ZRANB3: variants seen among roughly 807,000 people sequenced by gnomAD.
ZRANB3 encodes zinc finger RANBP2-type containing 3.
In ZRANB3, 125 loss-of-function variants were observed where a neutral mutation model predicts 133.8. That is an observed-to-expected ratio of 0.93 (90% confidence interval 0.81 to 1.08). The LOEUF is 1.08. Ranked by LOEUF, ZRANB3 falls within the 50% of genes least tolerant of loss-of-function variation. The pLI is 0.00. For missense variants in ZRANB3, 1,229 were observed against 1,275.5 expected (o/e 0.96, Z 0.56); for synonymous variants, 387 against 432.7 (o/e 0.89, Z 1.31).
At chr2:135,298,702 A>G (rs1682283021) in intron 8 of ZRANB3, among the ~76,000 whole-genome samples, 1 of 152,160 alleles carries the variant, frequency 6.6e-6, no homozygotes, top group African/African-American at 2.4e-5. Context: ...TGTGCATACT[A>G]TCACCAGCTC....
At chr2:135,214,626 T>G (rs543496839) in intron 17 of ZRANB3, among the ~76,000 whole-genome samples, 2 of 152,238 alleles carry the variant, frequency 1.3e-5, no homozygotes, top group Admixed American at 1.3e-4. Context: ...TGAGAAAGAT[T>G]GAGAGGACTG....
chr2:135,521,957 C>T (rs569631919), intron 1 of ZRANB3, among the ~76,000 whole-genome samples: 1 of 152,204 alleles, frequency 6.6e-6, no homozygotes, highest in Non-Finnish European at 1.5e-5. Flanking sequence ...GAGCCATGGG[C>T]GGCCTCTGAG....
intron 2 of ZRANB3, among the ~76,000 whole-genome samples, chr2:135,443,401 G>T (rs1689876752): frequency 6.8e-6 from 1 of 146,004 alleles, no homozygotes; most frequent in African/African-American, 2.5e-5. Context: ...GGGGCTGGGG[G>T]AGGGATAGCA....
intron 3 of ZRANB3, among the ~76,000 whole-genome samples, chr2:135,382,111 G>T (rs191518535): frequency 2.0e-5 from 3 of 152,132 alleles, no homozygotes; most frequent in Admixed American, 1.3e-4. Flanking sequence ...ATTAGACGAA[G>T]GGCTAACTAG....
At chr2:135,274,768 T>C (rs1680702511) in intron 9 of ZRANB3, among the ~76,000 whole-genome samples, 1 of 152,096 alleles carries the variant, frequency 6.6e-6, no homozygotes, top group Admixed American at 6.5e-5. Context: ...CAGAGGACCC[T>C]GCGGCCTTCC....
At chr2:135,368,014 C>T (rs1686012308) in intron 3 of ZRANB3, among the ~76,000 whole-genome samples, 1 of 152,014 alleles carries the variant, frequency 6.6e-6, no homozygotes, top group South Asian at 2.1e-4. Flanking sequence ...TGAATCTATA[C>T]ATAGAATATA....
chr2:135,295,702 G>A (rs1378681680), intron 8 of ZRANB3, among the ~76,000 whole-genome samples: 1 of 152,174 alleles, frequency 6.6e-6, no homozygotes, highest in Non-Finnish European at 1.5e-5. Flanking sequence ...GCATGTTTTT[G>A]CAGTGGCTTG....
intron 1 of ZRANB3, among the ~76,000 whole-genome samples, chr2:135,526,467 T>A (rs1694167361): frequency 6.6e-6 from 1 of 152,154 alleles, no homozygotes; most frequent in Non-Finnish European, 1.5e-5. Context: ...CCCAACCTGA[T>A]TTTTTTATTT....
intron 1 of ZRANB3, among the ~76,000 whole-genome samples, chr2:135,507,976 A>AAG (rs141612301): frequency 8.6e-5 from 13 of 151,890 alleles, no homozygotes; most frequent in Admixed American, 6.5e-4. Context: ...AGGGAAAGAA[A>AAG]AGAGAGAGAG....
At chr2:135,288,873 C>CGTGTGTGTGTGTGTGTGTGT (rs57200280) in intron 8 of ZRANB3, among the ~76,000 whole-genome samples, 6 of 141,294 alleles carry the variant, frequency 4.2e-5, no homozygotes, top group African/African-American at 7.8e-5. Flanking sequence ...CTTCATTTAT[C>CGTGTGTGTGTGTGTGTGTGT]GTGTGTGTGT....
At chr2:135,315,129 C>CT (rs1042431660) in intron 7 of ZRANB3, among the ~76,000 whole-genome samples, 6 of 151,282 alleles carry the variant, frequency 4.0e-5, no homozygotes, top group East Asian at 3.9e-4. Context: ...AGCAAAAATA[C>CT]TTTTTTTTTA....
At chr2:135,408,757 T>C (rs1030800920) in intron 2 of ZRANB3, among the ~76,000 whole-genome samples, 4 of 150,168 alleles carry the variant, frequency 2.7e-5, no homozygotes, top group East Asian at 2.0e-4. Context: ...TTCTCACTCA[T>C]AGGTGGGAAC....
chr2:135,417,842 C>A (rs541138375), intron 2 of ZRANB3, among the ~76,000 whole-genome samples: 17 of 152,224 alleles, frequency 1.1e-4, no homozygotes, highest in African/African-American at 3.4e-4. Flanking sequence ...TCATCACTCT[C>A]AGTAAACTAT....
intron 6 of ZRANB3, among the ~76,000 whole-genome samples, chr2:135,331,887 A>C (rs1684162340): frequency 6.6e-6 from 1 of 151,920 alleles, no homozygotes; most frequent in South Asian, 2.1e-4. Context: ...TTTTAAGAAA[A>C]TGTTTTTTTC....
At chr2:135,499,680 A>C (rs1692848660) in intron 2 of ZRANB3, among the ~76,000 whole-genome samples, 1 of 152,214 alleles carries the variant, frequency 6.6e-6, no homozygotes. Context: ...GAATATCTAA[A>C]ATGAAAATAA....
At chr2:135,392,594 A>T (rs1687291597) in intron 2 of ZRANB3, among the ~76,000 whole-genome samples, 1 of 152,040 alleles carries the variant, frequency 6.6e-6, no homozygotes, top group African/African-American at 2.4e-5. Flanking sequence ...TACTAAAAGT[A>T]AAAAATTAGC....
chr2:135,338,517 G>T (rs986073179), intron 6 of ZRANB3, among the ~76,000 whole-genome samples: 3 of 152,234 alleles, frequency 2.0e-5, no homozygotes, highest in African/African-American at 7.2e-5. Flanking sequence ...TGGGTCAGGG[G>T]CATCAGAGGC....
intron 2 of ZRANB3, among the ~76,000 whole-genome samples, chr2:135,418,925 CTTTTTTTTTTTTTTTTT>C (rs769271961): frequency 1.2e-5 from 1 of 85,882 alleles, no homozygotes; most frequent in Non-Finnish European, 2.2e-5. Flanking sequence ...AGGATTCTCT[CTTTTTTTTTTTTTTTTT>C]TTTTTTTTTT....
Position 135,217,504 on chromosome 2 carries a change from T to C in ZRANB3, c.2456A>G (p.Glu819Gly). 6.2e-7 allele frequency: 1 copy of C among 1,612,738 alleles called. No individual in the cohort carries two copies. The highest frequency in any genetic ancestry group is 8.5e-7 in the Non-Finnish European group (1 of 1,179,536). ...TTGTTTGGTTTGTTGCTTTGTGATC[T>C]CTTCCAAAGCAAGAATTGGGCTACA... The part of the protein sequence containing the change: ...LFCSPILALE[E>G]ITKQQTKQNC... The change falls in exon 17 of 21, where the codon GAG (glutamate) becomes GGG (glycine). Residue 819 changes from glutamate (E) to glycine (G), a missense_variant. Glu to Gly is a moderately conservative substitution (Grantham distance 98, BLOSUM62 -2). Transcript: ENST00000264159.
Sources: allele counts gnomAD v4.1 joint callset (sites outside exome capture counted in the v4.1 genomes callset), GRCh38; gene constraint gnomAD v4.1.1; transcripts MANE v1.5; gene names NCBI Gene and HGNC (gene_info 2026-07-23, HGNC 2026-07-21).